Variants in RPS25 observed in about 807,000 individuals in gnomAD.
The protein encoded by RPS25 is ribosomal protein S25.
A neutral mutation model predicts 14.4 loss-of-function variants in RPS25; 1 was observed. That is an observed-to-expected ratio of 0.07 (90% CI 0.02 to 0.33). The LOEUF (loss-of-function observed/expected upper bound fraction) is 0.33. Ranked by LOEUF, RPS25 falls within the 10% of genes least tolerant of loss-of-function variation. The pLI is 1.00. For missense variants in RPS25, 65 were observed against 144.6 expected (o/e 0.45, Z 2.82); for synonymous variants, 63 against 53.8 (o/e 1.17, Z -0.75).
rs565831105 is a variant in RPS25, at chr11:119,016,748, A to G, written c.283+614T>C. 1.4e-3 allele frequency among the ~76,000 whole-genome samples: 209 copies of G among 150,614 alleles called. 3 individuals carry two copies. The highest frequency in any genetic ancestry group is 1.6e-3 in the Non-Finnish European group (107 of 67,794). On this transcript the variant is annotated intron_variant, in intron 3 of 4. Transcript: ENST00000527673. ...TGGGTTCAAGGGATCCTCATGCCTCAGCATCCTGAGTAGCTGGGATTACAG... is the reference window on the plus strand; with the variant it reads ...TGGGTTCAAGGGATCCTCATGCCTCGGCATCCTGAGTAGCTGGGATTACAG...
intron 2 of RPS25, 21 bp from the exon 3 acceptor site, chr11:119,017,566 G>T (rs1943191963): frequency 3.1e-6 from 5 of 1,605,118 alleles, no homozygotes; most frequent in Non-Finnish European, 4.3e-6. Flanking sequence ...AAACAAAACA[G>T]AAACAAGTTA....
intron 3 of RPS25, 79 bp downstream of exon 3, chr11:119,017,283 C>G: frequency 1.8e-6 from 2 of 1,112,662 alleles, no homozygotes; most frequent in Non-Finnish European, 1.3e-6. Context: ...TCTGCTTTTC[C>G]AGCAAAACCA....
At chr11:119,017,339 C>A in intron 3 of RPS25, 23 bp downstream of exon 3, 1 of 1,553,792 alleles carries the variant, frequency 6.4e-7, no homozygotes, top group Non-Finnish European at 8.7e-7. Context: ...TACAAAAACA[C>A]ACATGTAGGA....
At chr11:119,016,205 G>C (rs1350288259) in intron 3 of RPS25, among the ~76,000 whole-genome samples, 1 of 152,166 alleles carries the variant, frequency 6.6e-6, no homozygotes, top group Non-Finnish European at 1.5e-5. Flanking sequence ...AGGACCACCT[G>C]AACCCAGGAA....
Position 119,015,888 on chromosome 11 carries a change from T to C in RPS25, c.335A>G (p.Asn112Ser). 1 of 1,612,638 alleles carries C rather than the reference T, an allele frequency of 6.2e-7. No individual in the cohort carries two copies. The highest frequency in any genetic ancestry group is 8.5e-7 in the Non-Finnish European group (1 of 1,178,600). The change falls in exon 4 of 5, where the codon AAT (asparagine) becomes AGT (serine). Residue 112 changes from asparagine to serine, a missense_variant. Physicochemically the swap from Asn to Ser is conservative, Grantham distance 46 (BLOSUM62 1). Transcript: ENST00000527673. ...KHRAQVIYTR[N>S]TKGGDAPAAG... is the part of the protein sequence containing the mutation. Reference sequence around the variant, plus strand: ...AGCTGGAGCATCTCCACCCTTGGTATTTCTGGTGTAAATTACTTGAGCTCT... The same window carrying C: ...AGCTGGAGCATCTCCACCCTTGGTACTTCTGGTGTAAATTACTTGAGCTCT...
intron 1 of RPS25, 26 bp from the exon 2 acceptor site, chr11:119,018,079 C>A: frequency 6.2e-7 from 1 of 1,606,236 alleles, no homozygotes. Context: ...GGGAATGCAA[C>A]CAGGTCCTCA....
Position 119,018,276 on chromosome 11 carries a change from G to GC in RPS25, c.3+5dup. ...ACGCCGGCGACTTCACACCCCTGAA[G>GC]CTTACCATTGCGAAGCTCGGAGAAT... On this transcript the variant is annotated splice_donor_region_variant and intron_variant, in intron 1 of 4. Coordinates refer to ENST00000527673, the MANE Select transcript of RPS25 (RefSeq NM_001028.3). 6.2e-7 allele frequency: 1 copy of GC among 1,614,116 alleles called. No individual in the cohort carries two copies. Among genetic ancestry groups the GC allele is most frequent in the Non-Finnish European group, 8.5e-7 (1 of 1,179,992 alleles).
At chr11:119,018,147 A>G in intron 1 of RPS25, 94 bp from the exon 2 acceptor site, 3 of 1,561,686 alleles carry the variant, frequency 1.9e-6, no homozygotes, top group Non-Finnish European at 2.6e-6. Context: ...CCACCACCAG[A>G]GCACATGGGC....
intron 2 of RPS25, 124 bp from the exon 3 acceptor site, chr11:119,017,669 A>C: frequency 1.1e-6 from 1 of 922,558 alleles, no homozygotes; most frequent in Non-Finnish European, 1.6e-6. Context: ...ACATTACTAA[A>C]ACAAAAACAA....
chr11:119,016,328 A>G (rs117624047), intron 3 of RPS25, among the ~76,000 whole-genome samples: 1,939 of 152,228 alleles, frequency 0.013, 42 homozygotes, highest in East Asian at 0.057. Flanking sequence ...CTGTAATCCC[A>G]GCACTTTGGA....
chr11:119,018,113 C>A (rs1943210781), intron 1 of RPS25, 60 bp from the exon 2 acceptor site: 2 of 1,574,948 alleles, frequency 1.3e-6, no homozygotes, highest in Admixed American at 3.3e-5. Context: ...TCCCCTAATA[C>A]TGCGCCCTCA....
In RPS25 at chr11:119,018,024, G is replaced by A. The variant is rs1565676820; in HGVS notation, c.33C>T (p.Asp11=). The A allele has an allele frequency of 1.9e-6, 3 of 1,612,230 alleles. No individual in the cohort carries two copies. The highest frequency in any genetic ancestry group is 2.7e-5 in the African/African-American group (2 of 74,944). Residue 11 remains aspartate, a synonymous_variant, in exon 2 of 5, where the codon GAC becomes GAT. Transcript: ENST00000527673. MPPKDDKKKK[D]AGKSAKKDKD... ...TGTCTTTCTTGGCCGACTTTCCAGCGTCCTTCTTCTTCTTGTCGTCCTTAG... is the reference window on the plus strand; with the variant it reads ...TGTCTTTCTTGGCCGACTTTCCAGCATCCTTCTTCTTCTTGTCGTCCTTAG...
rs782159521 is a variant in RPS25 at position 119,017,942 on chromosome 11, G to C, written c.99+16C>G. 1 of 1,595,972 alleles carries C rather than the reference G, an allele frequency of 6.3e-7. No individual in the cohort carries two copies. The highest frequency in any genetic ancestry group is 8.6e-7 in the Non-Finnish European group (1 of 1,164,416). On this transcript the variant is annotated intron_variant, in intron 2 of 4. Transcript: ENST00000527673. ...AGAGTTACCCCTAGTCTCTTTCAGA[G>C]AGGTCTTATTTCTACCTTCTTTTTG...
At position 119,017,829 on chromosome 11, in the gene RPS25, G is replaced by T. The variant is rs1233406601; in HGVS notation, c.99+129C>A. The T allele has an allele frequency of 1.0e-5, 8 of 776,454 alleles. No individual in the cohort carries two copies. In the Admixed American group the frequency reaches 1.8e-4, roughly 18 times the overall value. The allele number at this position is 776,454 out of a possible 1,614,324, so 48.1% of individuals were successfully genotyped here. On this transcript the variant is annotated intron_variant, in intron 2 of 4. Transcript: ENST00000527673. Reference sequence around the variant, plus strand: ...TGGGAAAAAGAACGAGTGGTGACGGGAAGATAAACTCTCACATTTTGACTC... The same window carrying T: ...TGGGAAAAAGAACGAGTGGTGACGGTAAGATAAACTCTCACATTTTGACTC...
chr11:119,017,320 A>G, intron 3 of RPS25, 42 bp downstream of exon 3: 1 of 1,448,534 alleles, frequency 6.9e-7, no homozygotes. Flanking sequence ...TGGTCAAGAC[A>G]ATTTAACCTA....
chr11:119,016,243 C>CCCT (rs1210602983), intron 3 of RPS25, among the ~76,000 whole-genome samples: 1 of 152,070 alleles, frequency 6.6e-6, no homozygotes, highest in Non-Finnish European at 1.5e-5. Flanking sequence ...CCAAGACTGC[C>CCCT]CCTCCGCACT....
Position 119,016,001 on chromosome 11 carries a change from T to C in RPS25, c.284-62A>G, listed in dbSNP as rs1456515178. ...GATGCTACAATAGAAACTAGTAAGG[T>C]TTTTGGCTGGGCGCGGTGGCTCATG... is the stretch of plus-strand genomic sequence containing the variant. On this transcript the variant is annotated intron_variant, in intron 3 of 4. Transcript: ENST00000527673. 5 of 1,092,454 alleles carry C rather than the reference T, an allele frequency of 4.6e-6. No homozygotes were observed. The Admixed American group carries it at 8.7e-5, about 19-fold the overall frequency. The allele number at this position is 1,092,454 out of a possible 1,614,324, so 67.7% of individuals were successfully genotyped here.
intron 3 of RPS25, among the ~76,000 whole-genome samples, chr11:119,016,862 T>C (rs555753072): frequency 2.0e-5 from 3 of 152,266 alleles, no homozygotes; most frequent in East Asian, 3.9e-4. Flanking sequence ...CCTCCGTTGA[T>C]TCACCCGCCT....
intron 3 of RPS25, 72 bp from the exon 4 acceptor site, chr11:119,016,011 G>A: frequency 1.1e-6 from 1 of 932,322 alleles, no homozygotes; most frequent in Non-Finnish European, 1.8e-6. Context: ...TTTTTGGCTG[G>A]GCGCGGTGGC....
Sources: gnomAD v4.1 joint callset for allele counts (sites outside exome capture counted in the v4.1 genomes callset) on GRCh38, gnomAD v4.1.1 for gene constraint, MANE v1.5 for transcripts, NCBI Gene and HGNC (gene_info 2026-07-23, HGNC 2026-07-21) for gene names.